MMRN1: variants seen among roughly 807,000 people sequenced by gnomAD.
The protein encoded by MMRN1 is multimerin 1.
A neutral mutation model predicts 100.7 loss-of-function variants in MMRN1; 94 were observed. The ratio of observed to expected loss-of-function variants is 0.93; its 90% CI spans 0.79 to 1.11. The LOEUF (loss-of-function observed/expected upper bound fraction) is 1.11, where lower values mean the gene tolerates loss of function less well. Ranked by LOEUF, MMRN1 falls within the 50% of genes least tolerant of loss-of-function variation. The probability of loss-of-function intolerance (pLI) is 0.00; values close to 1 mark genes in which losing one functional copy is unlikely to be tolerated. For synonymous variants in MMRN1, 575 were observed against 505.0 expected, an observed-to-expected ratio of 1.14 and a Z score of -1.86; for missense variants, 1,606 against 1,439.1, an observed-to-expected ratio of 1.12 and a Z score of -1.88.
intron 1 of MMRN1, among the ~76,000 whole-genome samples, chr4:89,903,897 G>GGA (rs1553922385): frequency 4.7e-5 from 6 of 127,188 alleles, no homozygotes; most frequent in African/African-American, 8.9e-5. Context: ...TTCAGGATTA[G>GGA]AAAAAAAAAA....
chr4:89,884,288 G>A (rs1029932699), intron 1 of MMRN1, among the ~76,000 whole-genome samples: 4 of 152,052 alleles, frequency 2.6e-5, no homozygotes, highest in Non-Finnish European at 4.4e-5. Flanking sequence ...GTAAACTTGA[G>A]GAGGATGGGC....
At chr4:89,911,223 AT>A (rs1721738873) in intron 2 of MMRN1, among the ~76,000 whole-genome samples, 2 of 151,468 alleles carry the variant, frequency 1.3e-5, no homozygotes. Context: ...TATGACTTAC[AT>A]TTACAAACAC....
rs112060647 is a variant in MMRN1 at position 89,936,101 on chromosome 4, A to C, written c.2421A>C (p.Ala807=). The change falls in exon 6 of 8, where the codon GCA becomes GCC. Residue 807 remains alanine, a synonymous_variant. Transcript: ENST00000264790. ...NFVLQVAKTL[A]GIPRDEKLNQ... ...TTTTGCAAGTCGCCAAGACCCTTGC[A>C]GGTATTCCCAGAGATGAGAAACTAA... 3.3e-5 allele frequency: 54 copies of C among 1,612,162 alleles called. No individual in the cohort carries two copies. Among genetic ancestry groups the C allele is most frequent in the Non-Finnish European group, 3.9e-5 (46 of 1,179,460 alleles).
At chr4:89,904,195 G>C (rs1172043760) in intron 1 of MMRN1, among the ~76,000 whole-genome samples, 3 of 151,184 alleles carry the variant, frequency 2.0e-5, no homozygotes, top group Non-Finnish European at 3.0e-5. Flanking sequence ...CTCTGATTTT[G>C]ACAAGAGATA....
intron 2 of MMRN1, 146 bp downstream of exon 2, chr4:89,909,541 C>A: frequency 9.7e-7 from 1 of 1,027,734 alleles, no homozygotes; most frequent in Non-Finnish European, 1.4e-6. Flanking sequence ...AGTGAAAATG[C>A]AGACACTAAT....
At chr4:89,919,969 C>T (rs1722037346) in intron 3 of MMRN1, among the ~76,000 whole-genome samples, 1 of 152,122 alleles carries the variant, frequency 6.6e-6, no homozygotes, top group East Asian at 1.9e-4. Flanking sequence ...AAAACACTGA[C>T]TGTTTCACAA....
intron 7 of MMRN1, among the ~76,000 whole-genome samples, chr4:89,952,586 G>A (rs570045016): frequency 1.6e-4 from 24 of 152,062 alleles, no homozygotes; most frequent in Non-Finnish European, 2.8e-4. Flanking sequence ...ACAAGGTGCC[G>A]GAAAAATTGT....
chr4:89,923,350 T>G, intron 4 of MMRN1, 78 bp downstream of exon 4: 1 of 1,263,552 alleles, frequency 7.9e-7, no homozygotes. Flanking sequence ...GCAAGAAATC[T>G]CTTAGTTGTC....
intron 6 of MMRN1, among the ~76,000 whole-genome samples, chr4:89,944,894 A>G (rs1287530341): frequency 6.6e-6 from 1 of 152,180 alleles, no homozygotes; most frequent in Non-Finnish European, 1.5e-5. Context: ...TAAATGTACT[A>G]ATGTTGATAG....
At chr4:89,945,654 A>G (rs1164354730) in intron 6 of MMRN1, among the ~76,000 whole-genome samples, 3 of 152,170 alleles carry the variant, frequency 2.0e-5, no homozygotes, top group Non-Finnish European at 2.9e-5. Flanking sequence ...CTAAAGAAAA[A>G]GGATAAATCA....
rs1289165157 is a variant in MMRN1 at position 89,930,147 on chromosome 4, A to G, written c.1129+2179A>G. Among the ~76,000 whole-genome samples the G allele has an allele frequency of 1.3e-5, 2 of 152,154 alleles. 1 individual carries two copies. Among genetic ancestry groups the G allele is most frequent in the Admixed American group, 1.3e-4 (2 of 15,270 alleles). On this transcript the variant is annotated intron_variant, in intron 5 of 7. Coordinates refer to ENST00000264790, the MANE Select transcript of MMRN1 (RefSeq NM_007351.3). ...ATGTGCCCACTCAACTATTAACATA[A>G]AGCACTTTGACATGTTCTTGGGAAA...
upstream of MMRN1, among the ~76,000 whole-genome samples, chr4:89,893,645 A>G (rs925829878): frequency 1.3e-5 from 2 of 152,152 alleles, no homozygotes; most frequent in Non-Finnish European, 2.9e-5. Context: ...TGGGTTACAC[A>G]TGGATTTAGC....
intron 6 of MMRN1, among the ~76,000 whole-genome samples, chr4:89,940,833 A>G (rs1197325542): frequency 1.3e-5 from 2 of 152,120 alleles, no homozygotes; most frequent in African/African-American, 4.8e-5. Flanking sequence ...TTTGATATAT[A>G]ATTATTTCCA....
chr4:89,909,688 C>T (rs1335307037), intron 2 of MMRN1, among the ~76,000 whole-genome samples: 1 of 151,164 alleles, frequency 6.6e-6, no homozygotes, highest in African/African-American at 2.4e-5. Context: ...ATCACTATTA[C>T]TTTTACTCTA....
chr4:89,905,658 G>A (rs1222598057), intron 1 of MMRN1, among the ~76,000 whole-genome samples: 2 of 151,316 alleles, frequency 1.3e-5, no homozygotes, highest in African/African-American at 4.8e-5. Flanking sequence ...GTCCTATTTT[G>A]TTTTCCTCTT....
Position 89,935,920 on chromosome 4 carries a change from C to T in MMRN1, c.2240C>T (p.Ala747Val), listed in dbSNP as rs753478923. The T allele has an allele frequency of 1.4e-5, 23 of 1,609,110 alleles. 1 individual carries two copies. The highest frequency in any genetic ancestry group is 1.8e-5 in the Non-Finnish European group (21 of 1,177,652). ...ATTGATTTCATTCAAGATAACTATG[C>T]CCTAAAAGAGACTTTAAGTACTATT... ...NAIDFIQDNY[A>V]LKETLSTIKD... The change falls in exon 6 of 8, where the codon GCC becomes GTC. Residue 747 changes from alanine (A) to valine (V), a missense_variant. Transcript: ENST00000264790.
At chr4:89,894,778 A>G, upstream of MMRN1, 1 of 970,768 alleles carries the variant, frequency 1.0e-6, no homozygotes, top group Non-Finnish European at 1.4e-6. Context: ...GAGGTCACAG[A>G]TCACAAAAAC....
chr4:89,927,725 A>T, intron 4 of MMRN1, 70 bp from the exon 5 acceptor site: 1 of 1,407,208 alleles, frequency 7.1e-7, no homozygotes, highest in Non-Finnish European at 9.8e-7. Flanking sequence ...GTTTTTCTCC[A>T]TTCAGTATGA....
At chr4:89,890,961 C>T (rs1450520070), upstream of MMRN1, among the ~76,000 whole-genome samples, 1 of 151,866 alleles carries the variant, frequency 6.6e-6, no homozygotes, top group African/African-American at 2.4e-5. Context: ...CCCTTTCCTG[C>T]CAGCCCACTC....
Sources: allele counts gnomAD v4.1 joint callset (sites outside exome capture counted in the v4.1 genomes callset), GRCh38; gene constraint gnomAD v4.1.1; transcripts MANE v1.5; gene names NCBI Gene and HGNC (gene_info 2026-07-23, HGNC 2026-07-21).